ACTN4: variants seen among roughly 807,000 people sequenced by gnomAD.
ACTN4 encodes alpha-actinin-4.
ACTN4 carries 18 observed loss-of-function variants against 114.2 expected under a neutral mutation model. The ratio of observed to expected loss-of-function variants is 0.16; its 90% CI spans 0.11 to 0.23. ACTN4 has a LOEUF of 0.23. Among genes scored for constraint, ACTN4 ranks in the 10% least tolerant of loss-of-function variants. The probability of loss-of-function intolerance (pLI) is 1.00; values close to 1 mark genes in which losing one functional copy is unlikely to be tolerated. For missense variants in ACTN4, 722 were observed against 1,262.9 expected (o/e 0.57, Z 6.49); for synonymous variants, 515 against 506.3 (o/e 1.02, Z -0.23).
intron 11 of ACTN4, 78 bp downstream of exon 11, chr19:38,718,152 GCA>G: frequency 6.4e-7 from 1 of 1,551,904 alleles, no homozygotes; most frequent in African/African-American, 1.4e-5. Context: ...GCATGGGTGT[GCA>G]CACACAGCCC....
chr19:38,696,403 G>A (rs1395268423), intron 1 of ACTN4, among the ~76,000 whole-genome samples: 1 of 152,024 alleles, frequency 6.6e-6, no homozygotes, highest in African/African-American at 2.4e-5. Flanking sequence ...GCGGCGTGGT[G>A]GGCGCATAGG....
rs78277042 is a variant in ACTN4 at position 38,720,714 on chromosome 19, G to T, written c.1292-824G>T. On this transcript the variant is annotated intron_variant, in intron 11 of 20. Coordinates refer to ENST00000252699, the MANE Select transcript of ACTN4 (RefSeq NM_004924.6). ...GGCTGGCCCCATTTTACAGATGAAGGCACAGGCCCAGAGAGGCCTCGGTGG... is the reference window on the plus strand; with the variant it reads ...GGCTGGCCCCATTTTACAGATGAAGTCACAGGCCCAGAGAGGCCTCGGTGG... 1.4e-3 allele frequency among the ~76,000 whole-genome samples: 215 copies of T among 152,350 alleles called. 1 individual carries two copies. The East Asian group carries it at 0.04, about 28-fold the overall frequency.
intron 16 of ACTN4, among the ~76,000 whole-genome samples, 154 bp from the exon 17 acceptor site, chr19:38,725,570 A>G (rs1474772664): frequency 1.3e-5 from 2 of 152,220 alleles, no homozygotes; most frequent in Non-Finnish European, 2.9e-5. Context: ...AGTTGTGAGC[A>G]GTGGGCCTTC....
chr19:38,731,320 A>T lies in ACTN4; in HGVS notation c.*1888A>T. ...TCCTCAGGGAGGACATGAATGCCAC[A>T]GGGTGTCACACCCCAACTCTGCCCC... On this transcript the variant is annotated 3_prime_UTR_variant, in exon 21 of 21. Transcript: ENST00000252699. 1 of 895,292 alleles carries T rather than the reference A, an allele frequency of 1.1e-6. No individual in the cohort carries two copies. The highest frequency in any genetic ancestry group is 1.8e-6 in the Non-Finnish European group (1 of 546,224). 55.5% of individuals were successfully genotyped at this position (895,292 alleles called of 1,614,324 possible).
In ACTN4 at chr19:38,725,879, C is replaced by T. The variant is rs757657905; in HGVS notation, c.2166C>T (p.Asn722=). 1 of 1,614,130 alleles carries T rather than the reference C, an allele frequency of 6.2e-7. No individual in the cohort carries two copies. The highest frequency in any genetic ancestry group is 1.3e-5 in the African/African-American group (1 of 75,068). ...QLIQEALIFD[N]KHTNYTMEHI... ...TCCAGGAGGCCCTCATCTTCGACAACAAGCACACCAACTATACCATGGAGG... is the reference window on the plus strand; with the variant it reads ...TCCAGGAGGCCCTCATCTTCGACAATAAGCACACCAACTATACCATGGAGG... The change falls in exon 17 of 21, where the codon AAC becomes AAT. Residue 722 remains asparagine (N), a synonymous_variant. Transcript: ENST00000252699.
At chr19:38,709,553 G>A in intron 7 of ACTN4, 77 bp downstream of exon 7, 1 of 1,300,228 alleles carries the variant, frequency 7.7e-7, no homozygotes, top group Non-Finnish European at 1.1e-6. Flanking sequence ...TCGGGCAAGG[G>A]GCTGTGGGCA....
At chr19:38,728,105 C>T in intron 19 of ACTN4, 79 bp downstream of exon 19, 1 of 1,498,174 alleles carries the variant, frequency 6.7e-7, no homozygotes, top group Non-Finnish European at 9.1e-7. Flanking sequence ...CTCCCCTCGC[C>T]ATCCCACCCC....
intron 1 of ACTN4, among the ~76,000 whole-genome samples, chr19:38,699,493 G>A (rs1425916339): frequency 6.6e-5 from 10 of 152,098 alleles, no homozygotes; most frequent in Admixed American, 3.3e-4. Context: ...GGTGGCTCAC[G>A]CCTGTAATCC....
At chr19:38,686,781 GGGTTGGTTGGTT>G (rs1003232310) in intron 1 of ACTN4, among the ~76,000 whole-genome samples, 1 of 152,044 alleles carries the variant, frequency 6.6e-6, no homozygotes. Context: ...TGAGTGGTTT[GGGTTGGTTGGTT>G]GGTTGGTTGG....
Position 38,725,874 on chromosome 19 carries a change from G to A in ACTN4, c.2161G>A (p.Asp721Asn), listed in dbSNP as rs1568747969. ...GCTCATCCAGGAGGCCCTCATCTTC[G>A]ACAACAAGCACACCAACTATACCAT... Reference protein sequence around the residue: ...HQLIQEALIFDNKHTNYTMEH... With the variant: ...HQLIQEALIFNNKHTNYTMEH... The change falls in exon 17 of 21, where the codon GAC becomes AAC. Residue 721 changes from aspartate (D) to asparagine (N), a missense_variant. Asp to Asn is a conservative substitution (Grantham distance 23). Around this residue, in one of 3 missense-constraint regions of ACTN4, gnomAD observed 523 missense variants for 875.9 expected, o/e 0.60. Transcript: ENST00000252699. 5 of 1,614,116 alleles carry A rather than the reference G, an allele frequency of 3.1e-6. No individual in the cohort carries two copies. Among genetic ancestry groups the A allele is most frequent in the South Asian group, 1.1e-5 (1 of 91,074 alleles).
intron 1 of ACTN4, among the ~76,000 whole-genome samples, chr19:38,673,556 CTTATATATATTTATATATAT>C (rs1256466753): frequency 1.7e-4 from 5 of 29,622 alleles, no homozygotes; most frequent in Middle Eastern, 7.5e-3. Flanking sequence ...TTTATATATA[CTTATATATATTTATATATAT>C]TCATATATAT....
At chr19:38,657,300 G>C (rs769226944) in intron 1 of ACTN4, among the ~76,000 whole-genome samples, 33 of 152,066 alleles carry the variant, frequency 2.2e-4, no homozygotes, top group African/African-American at 7.7e-4. Context: ...GCGCCACGAC[G>C]CCCAGCTAAT....
At chr19:38,713,808 G>A (rs371913077) in intron 8 of ACTN4, among the ~76,000 whole-genome samples, 2 of 146,270 alleles carry the variant, frequency 1.4e-5, no homozygotes, top group Admixed American at 6.7e-5. Context: ...CTCTCTCCCC[G>A]TGTGCACCCC....
intron 1 of ACTN4, among the ~76,000 whole-genome samples, chr19:38,657,658 T>A (rs894415057): frequency 2.6e-5 from 4 of 152,208 alleles, no homozygotes; most frequent in African/African-American, 4.8e-5. Flanking sequence ...TTTCCTTTTT[T>A]AAATACACAC....
At chr19:38,711,005 C>T (rs1306274648) in intron 8 of ACTN4, 6 of 159,010 alleles carry the variant, frequency 3.8e-5, no homozygotes, top group African/African-American at 1.4e-4. Flanking sequence ...TCAGACAGAT[C>T]ATTTAGCAAC....
chr19:38,671,385 C>G (rs949202167), intron 1 of ACTN4, among the ~76,000 whole-genome samples: 2 of 152,192 alleles, frequency 1.3e-5, no homozygotes, highest in Non-Finnish European at 2.9e-5. Context: ...CGCACAATAA[C>G]CTGGTGAACA....
chr19:38,673,583 ATATT>A lies in ACTN4; in HGVS notation c.162+25680_162+25683del, dbSNP rs1967237312. Among the ~76,000 whole-genome samples the A allele has an allele frequency of 2.6e-5, 3 of 113,550 alleles. 1 individual carries two copies. In the Admixed American group the frequency reaches 3.5e-4, roughly 13 times the overall value. The allele number at this position is 113,550 out of a possible 152,430, so 74.5% of individuals were successfully genotyped here. A position where few individuals can be genotyped will look rare whatever the true frequency, so the allele number is the denominator to read the frequency against. On this transcript the variant is annotated intron_variant, in intron 1 of 20. Coordinates refer to ENST00000252699, the MANE Select transcript of ACTN4 (RefSeq NM_004924.6). ...TATATATATTTATATATATTCATAT[ATATT>A]TATATATATTCATATATATTCATTT...
chr19:38,667,608 G>C (rs1404465195), intron 1 of ACTN4, among the ~76,000 whole-genome samples: 2 of 151,846 alleles, frequency 1.3e-5, no homozygotes, highest in East Asian at 3.9e-4. Flanking sequence ...TGGCCCAAAG[G>C]CAGCGTGGTA....
chr19:38,699,669 C>T (rs980248707), intron 1 of ACTN4, among the ~76,000 whole-genome samples: 6 of 151,784 alleles, frequency 4.0e-5, no homozygotes, highest in African/African-American at 1.2e-4. Context: ...GCATGAGAAT[C>T]GCTTGAACCC....
Sources: gnomAD v4.1 joint callset for allele counts (sites outside exome capture counted in the v4.1 genomes callset) on GRCh38, gnomAD v4.1.1 for gene constraint, gnomAD v4.1.1 regional missense constraint, MANE v1.5 for transcripts, NCBI Gene and HGNC (gene_info 2026-07-23, HGNC 2026-07-21) for gene names.